Variants in NRXN1 observed in about 807,000 individuals in gnomAD.
NRXN1 encodes neurexin-1.
NRXN1 carries 39 observed loss-of-function variants against 150.9 expected under a neutral mutation model. The ratio of observed to expected loss-of-function variants is 0.26; its 90% confidence interval spans 0.20 to 0.34. The LOEUF is 0.34. NRXN1 is among the 10% of genes least tolerant of loss of function. NRXN1 has a pLI of 1.00. For missense variants in NRXN1, 1,815 were observed against 1,949.9 expected (o/e 0.93, Z 1.30); for synonymous variants, 924 against 757.0 (o/e 1.22, Z -3.62).
chr2:50,610,819 G>A (rs186037096), intron 8 of NRXN1, among the ~76,000 whole-genome samples: 170 of 147,280 alleles, frequency 1.2e-3, no homozygotes, highest in African/African-American at 4.0e-3. Context: ...TTTTGAGACA[G>A]TCTCGCTTTG....
intron 8 of NRXN1, among the ~76,000 whole-genome samples, chr2:50,560,014 A>T (rs1668822571): frequency 6.6e-6 from 1 of 152,228 alleles, no homozygotes; most frequent in African/African-American, 2.4e-5. Context: ...GGAGAAAATT[A>T]GACATTTCCC....
chr2:50,314,167 G>C (rs951847843), intron 17 of NRXN1, among the ~76,000 whole-genome samples: 1 of 152,044 alleles, frequency 6.6e-6, no homozygotes, highest in African/African-American at 2.4e-5. Flanking sequence ...TTTGATGGTA[G>C]ACGCTAGTCC....
rs1264270687 is a variant in NRXN1 at position 50,589,744 on chromosome 2, C to T, written c.1320+30278G>A. On this transcript the variant is annotated intron_variant, in intron 8 of 22. Transcript: ENST00000401669. ...TTGCAGCAAAACCCAACTGTTATAG[C>T]CAGACACACCAAAAGACTGTGTCTT... Among the ~76,000 whole-genome samples, 4 of 141,470 alleles carry T rather than the reference C, an allele frequency of 2.8e-5. No individual in the cohort carries two copies. The Admixed American group carries it at 3.0e-4, about 11-fold the overall frequency. The allele number at this position is 141,470 out of a possible 152,430, so 92.8% of individuals were successfully genotyped here.
At chr2:50,847,707 A>G (rs1673875048) in intron 5 of NRXN1, among the ~76,000 whole-genome samples, 1 of 152,160 alleles carries the variant, frequency 6.6e-6, no homozygotes, top group African/African-American at 2.4e-5. Flanking sequence ...CGGCGAGAGA[A>G]CATCGAGAGG....
intron 5 of NRXN1, among the ~76,000 whole-genome samples, chr2:50,882,366 AT>A (rs753388657): frequency 3.3e-5 from 5 of 151,824 alleles, no homozygotes; most frequent in Admixed American, 6.6e-5. Context: ...AATTCCTACT[AT>A]TTTTCAGGTA....
chr2:50,111,787 G>A (rs1702409482), intron 18 of NRXN1, among the ~76,000 whole-genome samples: 1 of 152,198 alleles, frequency 6.6e-6, no homozygotes, highest in African/African-American at 2.4e-5. Flanking sequence ...CAGGTTTTCT[G>A]CTGGAAAAAT....
intron 5 of NRXN1, chr2:50,739,277 AGTAT>A (rs1699152303): frequency 2.0e-6 from 1 of 501,488 alleles, no homozygotes; most frequent in African/African-American, 1.9e-5. Context: ...TTGATTAAAA[AGTAT>A]GTATTAATAT....
chr2:50,373,674 G>GAA (rs1232475532), intron 17 of NRXN1, among the ~76,000 whole-genome samples: 1 of 99,124 alleles, frequency 1.0e-5, no homozygotes, highest in Non-Finnish European at 2.0e-5. Context: ...AAGAAAGAAA[G>GAA]AAAGAAAAGA....
intron 17 of NRXN1, among the ~76,000 whole-genome samples, chr2:50,251,001 T>C (rs77771770): frequency 8.3e-6 from 1 of 120,822 alleles, no homozygotes; most frequent in Non-Finnish European, 1.8e-5. Context: ...TATTACACAT[T>C]GCATATGTGT....
Position 50,623,587 on chromosome 2 carries a change from T to C in NRXN1, c.861A>G (p.Lys287=), listed in dbSNP as rs1680438955. The change falls in exon 6 of 23, where the codon AAA becomes AAG. Residue 287 remains lysine, a synonymous_variant. Transcript: ENST00000401669. ...KGKEEYIATF[K]GSEYFCYDLS... is the part of the protein sequence containing the mutation. The stretch of plus-strand genomic sequence containing the variant: ...AGTCGTAGCAGAAGTATTCAGATCC[T>C]TTGAACGTGGCAATATATTCTTCTT... 1 of 1,612,270 alleles carries C rather than the reference T, an allele frequency of 6.2e-7. No individual in the cohort carries two copies.
intron 17 of NRXN1, among the ~76,000 whole-genome samples, chr2:50,334,193 A>ATTTTATATATATATATATG (rs68183264): frequency 9.1e-6 from 1 of 109,890 alleles, no homozygotes; most frequent in Non-Finnish European, 1.8e-5. Context: ...CCAGGACCAA[A>ATTTTATATATATATATATG]TATATATATA....
chr2:50,970,850 G>C (rs1207604804), intron 2 of NRXN1, among the ~76,000 whole-genome samples: 1 of 151,206 alleles, frequency 6.6e-6, no homozygotes, highest in Non-Finnish European at 1.5e-5. Flanking sequence ...AGTCTAAAAA[G>C]AACAACTTGA....
At chr2:50,679,467 AT>A (rs70948724) in intron 5 of NRXN1, among the ~76,000 whole-genome samples, 7,122 of 152,232 alleles carry the variant, frequency 0.047, 247 homozygotes, top group Non-Finnish European at 0.074. Flanking sequence ...CAGAATCAAG[AT>A]TTTAGTGTGG....
At chr2:50,237,207 A>G (rs947149361) in intron 17 of NRXN1, among the ~76,000 whole-genome samples, 1 of 152,100 alleles carries the variant, frequency 6.6e-6, no homozygotes, top group Non-Finnish European at 1.5e-5. Flanking sequence ...GTTTCAGAAC[A>G]AATAGTAGGT....
Position 50,801,169 on chromosome 2 carries a change from T to C in NRXN1, c.832+120700A>G, listed in dbSNP as rs538424454. 2.6e-5 allele frequency among the ~76,000 whole-genome samples: 4 copies of C among 152,290 alleles called. No homozygotes were observed. The South Asian group carries it at 8.3e-4, about 32-fold the overall frequency. ...CAACTGATTCACTAATCAGGCTTAT[T>C]TATGTCAAAGTTTCTAATTATTTCC... On this transcript the variant is annotated intron_variant, in intron 5 of 22. Transcript: ENST00000401669.
intron 5 of NRXN1, among the ~76,000 whole-genome samples, chr2:50,894,242 TAATA>T (rs202034347): frequency 0.13 from 18,068 of 142,290 alleles, 1,300 homozygotes; most frequent in South Asian, 0.18. Context: ...AGTATAATAA[TAATA>T]AATAAATAAA....
At chr2:49,976,311 A>G (rs2152501992) in intron 21 of NRXN1, among the ~76,000 whole-genome samples, 1 of 151,790 alleles carries the variant, frequency 6.6e-6, no homozygotes, top group East Asian at 1.9e-4. Flanking sequence ...AGGATTATAG[A>G]GGCATGAGCC....
chr2:50,401,196 G>C (rs1045390030), intron 17 of NRXN1, among the ~76,000 whole-genome samples: 1 of 152,058 alleles, frequency 6.6e-6, no homozygotes, highest in Admixed American at 6.6e-5. Flanking sequence ...CACTCAATGT[G>C]GGAAGATGCT....
chr2:50,591,385 TAG>T (rs1381387806), intron 8 of NRXN1, among the ~76,000 whole-genome samples: 11 of 53,286 alleles, frequency 2.1e-4, no homozygotes, highest in Non-Finnish European at 3.8e-4. Flanking sequence ...ATATATCAGA[TAG>T]ATAGATAGAT....
Sources: gnomAD v4.1 joint callset for allele counts (sites outside exome capture counted in the v4.1 genomes callset) on GRCh38, gnomAD v4.1.1 for gene constraint, MANE v1.5 for transcripts, NCBI Gene and HGNC (gene_info 2026-07-23, HGNC 2026-07-21) for gene names.